The following CHRM3 variants were observed in gnomAD, a reference collection of about 807,000 sequenced individuals.
CHRM3 encodes the protein cholinergic receptor muscarinic 3.
Under a neutral mutation model 41.8 loss-of-function variants are expected in CHRM3, and 11 were observed. The observed-to-expected ratio is 0.26, with a 90% CI of 0.17 to 0.44. The LOEUF is 0.44. Ranked by LOEUF, CHRM3 falls within the 20% of genes least tolerant of loss-of-function variation. The pLI, the probability that CHRM3 is intolerant of heterozygous loss-of-function variation, is 1.00. For synonymous variants in CHRM3, 297 were observed against 301.4 expected (o/e 0.99, Z 0.15); for missense variants, 571 against 745.4 (o/e 0.77, Z 2.72).
chr1:239,893,584 A>G (rs1042034501), intron 6 of CHRM3, among the ~76,000 whole-genome samples: 1 of 152,136 alleles, frequency 6.6e-6, no homozygotes, highest in South Asian at 2.1e-4. Context: ...TGTGTGGATG[A>G]AATGAGTCAC....
rs1680447189 is a variant in CHRM3 at position 239,912,986 on chromosome 1, G to A, written c.*3762G>A. 1 of 167,032 alleles carries A rather than the reference G, an allele frequency of 6.0e-6. No homozygotes were observed. Among genetic ancestry groups the A allele is most frequent in the South Asian group, 2.1e-4 (1 of 4,828 alleles). The allele number at this position is 167,032 out of a possible 1,614,324, so 10.3% of individuals were successfully genotyped here. A position where few individuals can be genotyped will look rare whatever the true frequency, so the allele number is the denominator to read the frequency against. On this transcript the variant is annotated 3_prime_UTR_variant, in exon 7 of 7. Coordinates refer to ENST00000676153, the MANE Select transcript of CHRM3 (RefSeq NM_001375978.1). ...ATTGCTCAAACTAAGCAACAACACC[G>A]AAGCTTCTCTAATTTGCCTTCTGAT...
At chr1:239,766,954 C>G (rs958855938) in intron 5 of CHRM3, among the ~76,000 whole-genome samples, 1 of 152,188 alleles carries the variant, frequency 6.6e-6, no homozygotes, top group African/African-American at 2.4e-5. Context: ...TCAGTCGATC[C>G]ACCCGCCTCA....
intron 5 of CHRM3, among the ~76,000 whole-genome samples, chr1:239,698,531 G>A (rs1248674734): frequency 6.6e-6 from 1 of 152,064 alleles, no homozygotes; most frequent in Non-Finnish European, 1.5e-5. Flanking sequence ...CTCATTTTCT[G>A]GAAGTAAAAT....
intron 3 of CHRM3, among the ~76,000 whole-genome samples, chr1:239,551,683 AAC>A (rs1352855193): frequency 2.0e-5 from 3 of 152,200 alleles, no homozygotes; most frequent in Non-Finnish European, 4.4e-5. Context: ...AGTCCACTAA[AAC>A]AGTGTTTTAA....
chr1:239,510,744 C>T (rs983656832), intron 2 of CHRM3, among the ~76,000 whole-genome samples: 1 of 151,906 alleles, frequency 6.6e-6, no homozygotes, highest in Non-Finnish European at 1.5e-5. Context: ...TCATGTTGGT[C>T]AGGCTAGTCT....
At chr1:239,894,478 G>T (rs1678820527) in intron 6 of CHRM3, among the ~76,000 whole-genome samples, 1 of 151,870 alleles carries the variant, frequency 6.6e-6, no homozygotes, top group African/African-American at 2.4e-5. Flanking sequence ...TGTCATTCAG[G>T]TTGGAGTGCA....
intron 1 of CHRM3, among the ~76,000 whole-genome samples, chr1:239,402,095 C>T (rs1660027956): frequency 6.6e-6 from 1 of 152,148 alleles, no homozygotes; most frequent in African/African-American, 2.4e-5. Flanking sequence ...ATTTCTGGCC[C>T]TCTTTTAGAC....
intron 5 of CHRM3, among the ~76,000 whole-genome samples, chr1:239,789,383 C>T (rs1669163046): frequency 6.6e-6 from 1 of 152,164 alleles, no homozygotes; most frequent in Non-Finnish European, 1.5e-5. Context: ...CATCATTAAG[C>T]AGAACACCAC....
intron 5 of CHRM3, among the ~76,000 whole-genome samples, chr1:239,814,988 C>A (rs1193590780): frequency 1.3e-5 from 2 of 152,058 alleles, no homozygotes; most frequent in Non-Finnish European, 2.9e-5. Flanking sequence ...GTTTGCCAGG[C>A]TGGTCTGGAA....
In CHRM3 at chr1:239,859,512, G is replaced by A. The variant is rs1217191194; in HGVS notation, c.-20+32134G>A. On this transcript the variant is annotated intron_variant, in intron 6 of 6. Transcript: ENST00000676153. ...ACAATTTCTGCTCACTGCAAACTCC[G>A]CCTCCCGGGTTCAAGCCTCAGCCTC... Among the ~76,000 whole-genome samples, 12 of 147,852 alleles carry A rather than the reference G, an allele frequency of 8.1e-5. No homozygotes were observed. In the East Asian group the frequency reaches 1.7e-3, roughly 21 times the overall value.
At chr1:239,594,086 G>A (rs1347114869) in intron 3 of CHRM3, among the ~76,000 whole-genome samples, 2 of 152,020 alleles carry the variant, frequency 1.3e-5, no homozygotes, top group Non-Finnish European at 2.9e-5. Flanking sequence ...TATTTTGTTA[G>A]GTAGAAATTA....
chr1:239,497,830 T>A (rs1667982022), intron 2 of CHRM3, among the ~76,000 whole-genome samples: 1 of 152,160 alleles, frequency 6.6e-6, no homozygotes, highest in South Asian at 2.1e-4. Flanking sequence ...GGAGTGGACA[T>A]GGCTAGGGGG....
chr1:239,850,600 C>G (rs1674622237), intron 6 of CHRM3, among the ~76,000 whole-genome samples: 1 of 152,164 alleles, frequency 6.6e-6, no homozygotes, highest in Non-Finnish European at 1.5e-5. Flanking sequence ...GGCTCTGTCT[C>G]CCCACCCAAA....
At chr1:239,389,040 G>A (rs1658789781) in intron 1 of CHRM3, among the ~76,000 whole-genome samples, 1 of 152,164 alleles carries the variant, frequency 6.6e-6, no homozygotes, top group Admixed American at 6.5e-5. Context: ...ATCGAATGTA[G>A]CACGAAAATA....
intron 3 of CHRM3, among the ~76,000 whole-genome samples, chr1:239,553,515 A>G (rs1325776568): frequency 6.6e-6 from 1 of 152,080 alleles, no homozygotes. Context: ...AAATAATATC[A>G]TTTAACATGT....
chr1:239,426,959 T>C (rs1213304248), intron 1 of CHRM3, among the ~76,000 whole-genome samples: 1 of 151,816 alleles, frequency 6.6e-6, no homozygotes, highest in Non-Finnish European at 1.5e-5. Flanking sequence ...GTTCTCTAAA[T>C]ACAGGCTGAG....
intron 1 of CHRM3, among the ~76,000 whole-genome samples, chr1:239,426,943 TTGTC>T (rs1304854443): frequency 1.3e-5 from 2 of 152,134 alleles, no homozygotes; most frequent in African/African-American, 2.4e-5. Context: ...GGGTGGATGG[TTGTC>T]TGTTCTCTAA....
chr1:239,790,721 TA>T (rs1378055293), intron 5 of CHRM3, among the ~76,000 whole-genome samples: 2 of 152,182 alleles, frequency 1.3e-5, no homozygotes, highest in East Asian at 3.9e-4. Context: ...TTAGCAGATC[TA>T]AAATTTGAAG....
rs1006543808 is a variant in CHRM3 at position 239,887,053 on chromosome 1, T to C, written c.-19-20380T>C. Among the ~76,000 whole-genome samples the C allele has an allele frequency of 2.0e-5, 3 of 152,190 alleles. No individual in the cohort carries two copies. The East Asian group carries it at 5.8e-4, about 29-fold the overall frequency. ...GTGACTCAGCATTCATTCATGTTCC[T>C]CGTGTTTCCAGCTGGGCTCCTTTAC... On this transcript the variant is annotated intron_variant, in intron 6 of 6. Coordinates refer to ENST00000676153, the MANE Select transcript of CHRM3 (RefSeq NM_001375978.1).
Sources: gnomAD v4.1 joint callset for allele counts (sites outside exome capture counted in the v4.1 genomes callset) on GRCh38, gnomAD v4.1.1 for gene constraint, MANE v1.5 for transcripts, NCBI Gene and HGNC (gene_info 2026-07-23, HGNC 2026-07-21) for gene names.